ARHGEF12: variants seen among roughly 807,000 people sequenced by gnomAD.
ARHGEF12 encodes the protein Rho guanine nucleotide exchange factor 12.
ARHGEF12 carries 66 observed loss-of-function variants against 211.2 expected under a neutral mutation model. The ratio of observed to expected loss-of-function variants is 0.31; its 90% CI spans 0.26 to 0.38. The LOEUF (loss-of-function observed/expected upper bound fraction) is 0.38. ARHGEF12 is among the 10% of genes least tolerant of loss of function. The probability of loss-of-function intolerance (pLI) is 1.00; values close to 1 mark genes in which losing one functional copy is unlikely to be tolerated. For missense variants in ARHGEF12, 1,429 were observed against 1,869.5 expected (o/e 0.76, Z 4.34); for synonymous variants, 592 against 638.4 (o/e 0.93, Z 1.09).
chr11:120,347,756 A>T (rs529937181), intron 1 of ARHGEF12, among the ~76,000 whole-genome samples: 8 of 152,282 alleles, frequency 5.3e-5, no homozygotes, highest in Admixed American at 3.3e-4. Flanking sequence ...GTTGTAGGGA[A>T]TATGAGACAT....
rs762879701 is a variant in ARHGEF12, at chr11:120,420,920, C to T, written c.298+69C>T. Reference sequence around the variant, plus strand: ...AAGAATAGAAAAGCTTAAATAATGGCAATTGCCAAGAATAGAATAATTACA... The same window carrying T: ...AAGAATAGAAAAGCTTAAATAATGGTAATTGCCAAGAATAGAATAATTACA... On this transcript the variant is annotated intron_variant, in intron 5 of 40. Coordinates refer to ENST00000397843, the MANE Select transcript of ARHGEF12 (RefSeq NM_015313.3). 2.7e-5 allele frequency: 36 copies of T among 1,322,344 alleles called. No individual in the cohort carries two copies. Among genetic ancestry groups the T allele is most frequent in the Admixed American group, 5.6e-5 (3 of 53,624 alleles). The allele number at this position is 1,322,344 out of a possible 1,614,324, so 81.9% of individuals were successfully genotyped here.
Position 120,465,265 on chromosome 11 carries a change from A to C in ARHGEF12, c.2642A>C (p.Lys881Thr), listed in dbSNP as rs1481902320. 1.2e-6 allele frequency: 2 copies of C among 1,614,038 alleles called. No individual in the cohort carries two copies. The highest frequency in any genetic ancestry group is 1.7e-6 in the Non-Finnish European group (2 of 1,180,026). ...AGCGGACCAGGAGAGGAGAAATTGA[A>C]ACATGCTGCTGCTACCTTTTGCAGT... ...WFSGPGEEKL[K>T]HAAATFCSNQ... The change falls in exon 28 of 41, where the codon AAA (lysine) becomes ACA (threonine). Residue 881 changes from lysine to threonine, a missense_variant. Physicochemically the swap from Lys to Thr is moderately conservative, Grantham distance 78. Around this residue, in one of 7 missense-constraint regions of ARHGEF12, gnomAD observed 223 missense variants for 444.6 expected, o/e 0.50. Coordinates refer to ENST00000397843, the MANE Select transcript of ARHGEF12 (RefSeq NM_015313.3).
At position 120,485,199 on chromosome 11, in the gene ARHGEF12, C is replaced by A. The variant is rs1947367837; in HGVS notation, c.*122C>A. On this transcript the variant is annotated 3_prime_UTR_variant, in exon 41 of 41. Transcript: ENST00000397843. ...GACAGAGGATCTGCCTGTGAACCAC[C>A]TGGGATTAGTCAAGTCCCAAGGTGC... 2 of 1,306,788 alleles carry A rather than the reference C, an allele frequency of 1.5e-6. No individual in the cohort carries two copies. Among genetic ancestry groups the A allele is most frequent in the South Asian group, 1.3e-5 (1 of 79,542 alleles). The allele number at this position is 1,306,788 out of a possible 1,614,324, so 80.9% of individuals were successfully genotyped here.
At chr11:120,353,666 T>C (rs891604142) in intron 1 of ARHGEF12, among the ~76,000 whole-genome samples, 15 of 152,114 alleles carry the variant, frequency 9.9e-5, no homozygotes, top group Non-Finnish European at 7.4e-5. Flanking sequence ...GTCTCCAAAA[T>C]GTGAGAATCT....
intron 36 of ARHGEF12, 36 bp from the exon 37 acceptor site, chr11:120,478,118 GTT>G (rs1565514211): frequency 7.4e-7 from 1 of 1,352,816 alleles, no homozygotes; most frequent in Non-Finnish European, 1.0e-6. Flanking sequence ...TAAAAGCTTT[GTT>G]TAGATATAGT....
chr11:120,414,774 TAGAGA>T (rs1482524695), intron 4 of ARHGEF12, among the ~76,000 whole-genome samples: 1 of 152,320 alleles, frequency 6.6e-6, no homozygotes, highest in East Asian at 1.9e-4. Context: ...TTATTTTTTG[TAGAGA>T]AGAGGTCTTG....
chr11:120,380,092 T>C (rs1943836895), intron 1 of ARHGEF12, among the ~76,000 whole-genome samples: 1 of 152,240 alleles, frequency 6.6e-6, no homozygotes. Context: ...GGAAATGTTT[T>C]CAACCAGCAA....
chr11:120,382,370 C>T (rs1943900719), intron 1 of ARHGEF12, among the ~76,000 whole-genome samples: 1 of 152,182 alleles, frequency 6.6e-6, no homozygotes, highest in Non-Finnish European at 1.5e-5. Flanking sequence ...AATTCATTTG[C>T]ATTATTGATT....
intron 32 of ARHGEF12, 126 bp from the exon 33 acceptor site, chr11:120,475,214 A>T: frequency 1.2e-6 from 1 of 816,158 alleles, no homozygotes; most frequent in Non-Finnish European, 1.9e-6. Flanking sequence ...AAGATAATAT[A>T]CAAGTCAATT....
intron 22 of ARHGEF12, among the ~76,000 whole-genome samples, chr11:120,452,470 G>A (rs1425126188): frequency 6.6e-6 from 1 of 152,160 alleles, no homozygotes; most frequent in Admixed American, 6.5e-5. Flanking sequence ...AGTGGTCCCT[G>A]AGGTGCCATA....
intron 11 of ARHGEF12, among the ~76,000 whole-genome samples, chr11:120,432,928 T>C (rs1279104615): frequency 6.6e-6 from 1 of 152,188 alleles, no homozygotes; most frequent in East Asian, 1.9e-4. Context: ...TTGTTTTGTT[T>C]TGTTTTTTAA....
intron 1 of ARHGEF12, among the ~76,000 whole-genome samples, chr11:120,354,432 T>C (rs527338077): frequency 6.6e-6 from 1 of 152,258 alleles, no homozygotes; most frequent in South Asian, 2.1e-4. Context: ...ACCATGGGGG[T>C]CCCACACACC....
chr11:120,473,548 A>G (rs1397851140), intron 31 of ARHGEF12, among the ~76,000 whole-genome samples: 1 of 152,116 alleles, frequency 6.6e-6, no homozygotes, highest in Non-Finnish European at 1.5e-5. Context: ...GACTATAGGT[A>G]TATGCCACCA....
intron 11 of ARHGEF12, among the ~76,000 whole-genome samples, chr11:120,433,593 T>C (rs1431696303): frequency 2.6e-5 from 4 of 152,226 alleles, no homozygotes; most frequent in African/African-American, 9.6e-5. Flanking sequence ...ATGAGAAATT[T>C]GAATTTTATC....
intron 15 of ARHGEF12, among the ~76,000 whole-genome samples, chr11:120,443,730 G>A (rs553415150): frequency 6.6e-6 from 1 of 152,144 alleles, no homozygotes; most frequent in African/African-American, 2.4e-5. Flanking sequence ...TTCTGTGCCT[G>A]CAGCTTCCAC....
chr11:120,353,865 A>G (rs189240267), intron 1 of ARHGEF12, among the ~76,000 whole-genome samples: 53 of 152,282 alleles, frequency 3.5e-4, no homozygotes, highest in Non-Finnish European at 7.2e-4. Flanking sequence ...ATGCATTTCA[A>G]TTTTGAGCCT....
Position 120,485,186 on chromosome 11 carries a change from G to T in ARHGEF12, c.*109G>T. The T allele has an allele frequency of 2.8e-6, 4 of 1,428,390 alleles. No individual in the cohort carries two copies. The highest frequency in any genetic ancestry group is 3.9e-6 in the Non-Finnish European group (4 of 1,021,666). 88.5% of individuals were successfully genotyped at this position (1,428,390 alleles called of 1,614,324 possible). ...GCAGAGAGAGTGTGACAGAGGATCT[G>T]CCTGTGAACCACCTGGGATTAGTCA... On this transcript the variant is annotated 3_prime_UTR_variant, in exon 41 of 41. Transcript: ENST00000397843.
At chr11:120,437,272 A>G (rs1371813844) in intron 11 of ARHGEF12, 36 bp from the exon 12 acceptor site, 5 of 1,490,088 alleles carry the variant, frequency 3.4e-6, no homozygotes, top group Non-Finnish European at 4.6e-6. Flanking sequence ...TGGTGTGCCT[A>G]TTGAAATGAA....
intron 2 of ARHGEF12, 60 bp downstream of exon 2, chr11:120,406,201 C>T: frequency 8.5e-7 from 1 of 1,180,484 alleles, no homozygotes; most frequent in Non-Finnish European, 1.1e-6. Context: ...TTATAAGCAT[C>T]CCTTTGAAAT....
Sources: allele counts gnomAD v4.1 joint callset (sites outside exome capture counted in the v4.1 genomes callset), GRCh38; gene constraint gnomAD v4.1.1; regional missense constraint gnomAD v4.1.1; transcripts MANE v1.5; gene names NCBI Gene and HGNC (gene_info 2026-07-23, HGNC 2026-07-21).